MUSK: variants seen among roughly 807,000 people sequenced by gnomAD.
MUSK encodes muscle, skeletal receptor tyrosine-protein kinase.
A neutral mutation model predicts 88.7 loss-of-function variants in MUSK; 55 were observed. The observed-to-expected ratio is 0.62, with a 90% CI of 0.50 to 0.78. MUSK has a LOEUF of 0.78. MUSK is among the 30% of genes least tolerant of loss of function. MUSK has a pLI of 0.00. For missense variants in MUSK, 1,015 were observed against 1,074.3 expected (o/e 0.94, Z 0.77); for synonymous variants, 387 against 391.9 (o/e 0.99, Z 0.15).
rs2076161658 is a variant in MUSK at position 110,683,767 on chromosome 9, C to T, written c.206+967C>T. On this transcript the variant is annotated intron_variant, in intron 2 of 14. Transcript: ENST00000374448. ...AGCACTTTTTCATATGCCTGTTTGC[C>T]ATCTGCATGTCTTCTTTCGAGAAAT... Among the ~76,000 whole-genome samples the T allele has an allele frequency of 2.0e-5, 3 of 152,066 alleles. No homozygotes were observed. In the South Asian group the frequency reaches 6.2e-4, roughly 31 times the overall value.
chr9:110,785,062 C>T lies in MUSK; in HGVS notation c.1586+46C>T, dbSNP rs550742661. 8.4e-6 allele frequency: 13 copies of T among 1,552,676 alleles called. No homozygotes were observed. The African/African-American group carries it at 1.6e-4, about 19-fold the overall frequency. ...AACCATGTGTAGTAATATTTTAAAGCCTTGTGTTTTATGGAGTTGGTATGA... is the reference window on the plus strand; with the variant it reads ...AACCATGTGTAGTAATATTTTAAAGTCTTGTGTTTTATGGAGTTGGTATGA... On this transcript the variant is annotated intron_variant, in intron 12 of 14. Coordinates refer to ENST00000374448, the MANE Select transcript of MUSK (RefSeq NM_005592.4).
rs781602891 is a variant in MUSK, at chr9:110,728,701, C to T, written c.629-5550C>T. The T allele has an allele frequency of 8.5e-5, 134 of 1,584,474 alleles. No individual in the cohort carries two copies. Among genetic ancestry groups the T allele is most frequent in the Admixed American group, 2.0e-4 (12 of 58,982 alleles). On this transcript the variant is annotated intron_variant, in intron 5 of 14. Coordinates refer to ENST00000374448, the MANE Select transcript of MUSK (RefSeq NM_005592.4). ...TTTTATTAACAGAAGAAAGTGAACC[C>T]GAACAAGATACTAAAGGTATTTTTT...
At chr9:110,745,394 G>A (rs894340787) in intron 6 of MUSK, among the ~76,000 whole-genome samples, 1 of 152,156 alleles carries the variant, frequency 6.6e-6, no homozygotes, top group Non-Finnish European at 1.5e-5. Context: ...CTTCTTGCAG[G>A]AGGGAACTGT....
intron 8 of MUSK, among the ~76,000 whole-genome samples, chr9:110,767,532 T>G (rs537787027): frequency 6.6e-6 from 1 of 152,186 alleles, no homozygotes; most frequent in African/African-American, 2.4e-5. Context: ...CTATTTATAA[T>G]GTAAAATATT....
At chr9:110,708,173 T>C (rs1397790148) in intron 5 of MUSK, among the ~76,000 whole-genome samples, 1 of 152,150 alleles carries the variant, frequency 6.6e-6, no homozygotes, top group African/African-American at 2.4e-5. Context: ...TAGACATAAC[T>C]ATAAAAGATC....
intron 1 of MUSK, among the ~76,000 whole-genome samples, chr9:110,675,950 T>A (rs117077521): frequency 0.041 from 6,299 of 152,196 alleles, 214 homozygotes; most frequent in Middle Eastern, 0.16. Context: ...CTTAATAAAA[T>A]ATTGTTTTTG....
At chr9:110,707,794 C>T (rs2076617789) in intron 5 of MUSK, among the ~76,000 whole-genome samples, 2 of 152,146 alleles carry the variant, frequency 1.3e-5, no homozygotes, top group Admixed American at 1.3e-4. Flanking sequence ...TTAAACAACT[C>T]CTTATTTCCT....
Position 110,703,583 on chromosome 9 carries a change from T to C in MUSK, c.628+6117T>C, listed in dbSNP as rs117076303. On this transcript the variant is annotated intron_variant, in intron 5 of 14. Coordinates refer to ENST00000374448, the MANE Select transcript of MUSK (RefSeq NM_005592.4). The stretch of plus-strand genomic sequence containing the variant: ...TAGGAAGACAGGCGGTTTTGATAAA[T>C]AATTAAACACAATTTTAACACATAA... Among the ~76,000 whole-genome samples the C allele has an allele frequency of 5.3e-4, 81 of 151,798 alleles. 2 individuals are homozygous for C. The highest frequency in any genetic ancestry group is 2.5e-3 in the Admixed American group (38 of 15,258).
chr9:110,695,390 C>A lies in MUSK; in HGVS notation c.359-13C>A, dbSNP rs539660753. The A allele has an allele frequency of 1.4e-6, 2 of 1,455,512 alleles. No individual in the cohort carries two copies. The highest frequency in any genetic ancestry group is 1.7e-4 in the Middle Eastern group (1 of 5,722). 90.2% of individuals were successfully genotyped at this position (1,455,512 alleles called of 1,614,324 possible). A position where few individuals can be genotyped will look rare whatever the true frequency, so the allele number is the denominator to read the frequency against. On this transcript the variant is annotated splice_polypyrimidine_tract_variant and intron_variant, in intron 3 of 14. Coordinates refer to ENST00000374448, the MANE Select transcript of MUSK (RefSeq NM_005592.4). Reference sequence around the variant, plus strand: ...TATTGCCTTATTTATTTTGAATTTTCATTTCTTTTTAGAACCTAAAATAAC... The same window carrying A: ...TATTGCCTTATTTATTTTGAATTTTAATTTCTTTTTAGAACCTAAAATAAC...
At chr9:110,733,780 A>T (rs1451540361) in intron 5 of MUSK, among the ~76,000 whole-genome samples, 6 of 152,088 alleles carry the variant, frequency 3.9e-5, no homozygotes, top group Admixed American at 3.9e-4. Context: ...ATCTAATGGG[A>T]AAGGGGAATA....
In MUSK at chr9:110,800,390, C is replaced by T; in HGVS notation, c.2012C>T (p.Ser671Phe). 2.5e-6 allele frequency: 4 copies of T among 1,613,860 alleles called. No homozygotes were observed. Among genetic ancestry groups the T allele is most frequent in the Non-Finnish European group, 3.4e-6 (4 of 1,179,840 alleles). ...GDLNEFLRSMSPHTVCSLSHS... is the reference protein window; with the variant it reads ...GDLNEFLRSMFPHTVCSLSHS... ...CTCAATGAGTTCCTCCGCAGCATGT[C>T]CCCTCACACCGTGTGCAGCCTCAGT... Residue 671 changes from serine to phenylalanine, a missense_variant, in exon 15 of 15, where the codon TCC becomes TTC. By Grantham distance (155) the Ser-to-Phe change is radical. Coordinates refer to ENST00000374448, the MANE Select transcript of MUSK (RefSeq NM_005592.4).
At chr9:110,762,078 C>A in intron 7 of MUSK, 124 bp from the exon 8 acceptor site, 1 of 1,064,494 alleles carries the variant, frequency 9.4e-7, no homozygotes, top group Non-Finnish European at 1.2e-6. Context: ...GAGAACTTTT[C>A]AGAAACTTAG....
chr9:110,689,439 A>G (rs1219349882), intron 3 of MUSK, among the ~76,000 whole-genome samples: 2 of 109,730 alleles, frequency 1.8e-5, no homozygotes, highest in South Asian at 2.5e-4. Flanking sequence ...AAAAAATATT[A>G]AAATATGTAA....
chr9:110,764,553 T>C (rs1284295061), intron 8 of MUSK, among the ~76,000 whole-genome samples: 3 of 152,058 alleles, frequency 2.0e-5, no homozygotes, highest in Non-Finnish European at 2.9e-5. Context: ...AGGTAGTTGA[T>C]AGATAAACAA....
At position 110,804,711 on chromosome 9, in the gene MUSK, ATAT is replaced by A. The variant is rs2078140371; in HGVS notation, c.*3727_*3729del. ...TTACTTATTTTCTTATAAAAGTAATATATTATGTTTGAAAAGAAAAATAATATG... is the reference window on the plus strand; with the variant it reads ...TTACTTATTTTCTTATAAAAGTAATATATGTTTGAAAAGAAAAATAATATG... On this transcript the variant is annotated 3_prime_UTR_variant, in exon 15 of 15. Transcript: ENST00000374448. Among the ~76,000 whole-genome samples, 2 of 151,882 alleles carry A rather than the reference ATAT, an allele frequency of 1.3e-5. No individual in the cohort carries two copies. The highest frequency in any genetic ancestry group is 6.6e-5 in the Admixed American group (1 of 15,246).
At chr9:110,730,124 C>T (rs964650743) in intron 5 of MUSK, among the ~76,000 whole-genome samples, 5 of 151,976 alleles carry the variant, frequency 3.3e-5, no homozygotes, top group Admixed American at 1.3e-4. Context: ...TTGCAGTTAG[C>T]CTGCAAGTCT....
chr9:110,780,183 T>C (rs2077729487), intron 11 of MUSK, among the ~76,000 whole-genome samples: 1 of 152,220 alleles, frequency 6.6e-6, no homozygotes, highest in African/African-American at 2.4e-5. Flanking sequence ...CGCTTTACGT[T>C]TTTGCTTCTT....
chr9:110,789,783 A>G (rs2077940765), intron 14 of MUSK, among the ~76,000 whole-genome samples: 1 of 152,184 alleles, frequency 6.6e-6, no homozygotes, highest in Admixed American at 6.5e-5. Flanking sequence ...CATCTGGGAA[A>G]AAAAAAAGAC....
At chr9:110,753,466 A>C (rs1365297203) in intron 7 of MUSK, among the ~76,000 whole-genome samples, 1 of 148,458 alleles carries the variant, frequency 6.7e-6, no homozygotes, top group Non-Finnish European at 1.5e-5. Context: ...AAAAAGAGAG[A>C]GAGAGAGAGA....
Sources: allele counts gnomAD v4.1 joint callset (sites outside exome capture counted in the v4.1 genomes callset), GRCh38; gene constraint gnomAD v4.1.1; transcripts MANE v1.5; gene names NCBI Gene and HGNC (gene_info 2026-07-23, HGNC 2026-07-21).